The following ZNF420 variants were observed in gnomAD, a reference collection of about 807,000 sequenced individuals.
ZNF420 encodes the protein ATM and p53-associated KZNF protein.
ZNF420 carries 31 observed loss-of-function variants against 44.7 expected under a neutral mutation model. The ratio of observed to expected loss-of-function variants is 0.69; its 90% CI spans 0.52 to 0.94. ZNF420 has a LOEUF of 0.94. ZNF420 is among the 40% of genes least tolerant of loss of function. The pLI, the probability that ZNF420 is intolerant of heterozygous loss-of-function variation, is 0.00. For synonymous variants in ZNF420, 245 were observed against 267.4 expected (o/e 0.92, Z 0.82); for missense variants, 681 against 827.9 (o/e 0.82, Z 2.18).
At chr19:37,096,069 T>C (rs1969436839) in intron 4 of ZNF420, 1 of 152,260 alleles carries the variant, frequency 6.6e-6, no homozygotes, top group East Asian at 1.9e-4. Context: ...CTGGCTTCTA[T>C]TGTTGCTCTT....
chr19:37,061,708 AAACTT>A (rs1162885865), intron 1 of ZNF420, among the ~76,000 whole-genome samples: 2 of 152,246 alleles, frequency 1.3e-5, no homozygotes, highest in African/African-American at 2.4e-5. Context: ...CCAATTAAAA[AAACTT>A]AATTTTCAAA....
intron 1 of ZNF420, among the ~76,000 whole-genome samples, chr19:37,068,378 G>A (rs911938885): frequency 2.4e-4 from 36 of 152,186 alleles, no homozygotes; most frequent in African/African-American, 8.7e-4. Flanking sequence ...GGTGGCTCAT[G>A]CCTGTAATCC....
intron 1 of ZNF420, among the ~76,000 whole-genome samples, chr19:37,054,102 C>G (rs1198338163): frequency 6.6e-6 from 1 of 152,222 alleles, no homozygotes; most frequent in Non-Finnish European, 1.5e-5. Context: ...GCAGTTTGAT[C>G]TCAGACTGCC....
chr19:37,031,127 T>C (rs1184347654), intron 1 of ZNF420, among the ~76,000 whole-genome samples: 1 of 152,152 alleles, frequency 6.6e-6, no homozygotes, highest in Non-Finnish European at 1.5e-5. Flanking sequence ...AGTGCTGAGA[T>C]TACAGGCGTG....
intron 1 of ZNF420, among the ~76,000 whole-genome samples, chr19:37,031,012 C>A (rs768096179): frequency 6.6e-6 from 1 of 152,086 alleles, no homozygotes; most frequent in East Asian, 1.9e-4. Flanking sequence ...CCCCCCACCA[C>A]GCCCGGCTAA....
intron 4 of ZNF420, among the ~76,000 whole-genome samples, chr19:37,126,569 A>C (rs1333757887): frequency 6.6e-6 from 1 of 152,200 alleles, no homozygotes; most frequent in Non-Finnish European, 1.5e-5. Flanking sequence ...GAAGGATTAA[A>C]ATTACAGATC....
chr19:37,073,525 G>T (rs1307646854), upstream of ZNF420, among the ~76,000 whole-genome samples: 1 of 152,040 alleles, frequency 6.6e-6, no homozygotes, highest in Non-Finnish European at 1.5e-5. Context: ...GATCACTTGA[G>T]ATCAGGAGTT....
At chr19:37,113,252 A>T (rs573786458) in intron 4 of ZNF420, among the ~76,000 whole-genome samples, 1 of 152,256 alleles carries the variant, frequency 6.6e-6, no homozygotes, top group African/African-American at 2.4e-5. Flanking sequence ...TAGTAGTTTG[A>T]ATAGTTATAT....
chr19:37,057,346 C>G (rs1463642742), intron 1 of ZNF420, among the ~76,000 whole-genome samples: 1 of 152,180 alleles, frequency 6.6e-6, no homozygotes, highest in East Asian at 1.9e-4. Context: ...AGGCTCCTGT[C>G]TCATCCCAGT....
At chr19:37,020,516 C>A (rs2074640674) in intron 1 of ZNF420, among the ~76,000 whole-genome samples, 1 of 152,220 alleles carries the variant, frequency 6.6e-6, no homozygotes, top group Non-Finnish European at 1.5e-5. Context: ...AAGCCCCTCT[C>A]AGGTTTATTT....
At chr19:37,036,444 G>A (rs1404160749) in intron 1 of ZNF420, among the ~76,000 whole-genome samples, 10 of 152,070 alleles carry the variant, frequency 6.6e-5, no homozygotes, top group African/African-American at 1.2e-4. Context: ...GATATGTGTT[G>A]TTCCTGGTGC....
chr19:37,036,169 G>T (rs1599607870), intron 1 of ZNF420, among the ~76,000 whole-genome samples: 1 of 152,150 alleles, frequency 6.6e-6, no homozygotes, highest in African/African-American at 2.4e-5. Flanking sequence ...GTGTTCAATA[G>T]CACAGTAGCA....
chr19:37,054,489 C>T (rs1354946856), intron 1 of ZNF420, among the ~76,000 whole-genome samples: 1 of 152,126 alleles, frequency 6.6e-6, no homozygotes, highest in African/African-American at 2.4e-5. Context: ...CCTATTCAGC[C>T]ATCTTGGCTC....
At chr19:37,057,479 T>C (rs1967780157) in intron 1 of ZNF420, among the ~76,000 whole-genome samples, 2 of 146,710 alleles carry the variant, frequency 1.4e-5, no homozygotes, top group South Asian at 4.3e-4. Flanking sequence ...TGTCTCTCAC[T>C]CTCTGTCTGT....
At position 37,127,351 on chromosome 19, in the gene ZNF420, C is replaced by T. The variant is rs139770576; in HGVS notation, c.360C>T (p.Phe120=). 5 of 1,611,206 alleles carry T rather than the reference C, an allele frequency of 3.1e-6. No homozygotes were observed. Among genetic ancestry groups the T allele is most frequent in the African/African-American group, 2.7e-5 (2 of 74,878 alleles). The part of the protein sequence containing the change: ...GMIIYDKMSI[F]NQHTYLSQHS... ...TCATATATGACAAAATGTCCATTTT[C>T]AACCAGCATACTTACTTATCTCAAC... The change falls in exon 5 of 5, where the codon TTC becomes TTT. Residue 120 remains phenylalanine (F), a synonymous_variant. Transcript: ENST00000337995.
At chr19:37,086,240 A>G (rs577356382) in intron 2 of ZNF420, among the ~76,000 whole-genome samples, 8 of 152,126 alleles carry the variant, frequency 5.3e-5, no homozygotes, top group Non-Finnish European at 1.0e-4. Context: ...GCACTGATCC[A>G]CATTTGCACT....
chr19:37,033,325 C>T (rs1169041132), intron 1 of ZNF420, among the ~76,000 whole-genome samples: 1 of 152,098 alleles, frequency 6.6e-6, no homozygotes, highest in Non-Finnish European at 1.5e-5. Context: ...TTTCAGTTTC[C>T]CAAACTGAAA....
chr19:37,022,923 GTCAGGCGT>G (rs1176702966), intron 1 of ZNF420, among the ~76,000 whole-genome samples: 24 of 152,266 alleles, frequency 1.6e-4, no homozygotes, highest in African/African-American at 5.8e-4. Flanking sequence ...GGATCACAAG[GTCAGGCGT>G]TCGAGACAAG....
chr19:37,053,213 C>T (rs1488148708), intron 1 of ZNF420, among the ~76,000 whole-genome samples: 1 of 152,212 alleles, frequency 6.6e-6, no homozygotes, highest in Non-Finnish European at 1.5e-5. Context: ...TTGGCTCCAT[C>T]AGGTCCTTTA....
Sources: gnomAD v4.1 joint callset for allele counts (sites outside exome capture counted in the v4.1 genomes callset) on GRCh38, gnomAD v4.1.1 for gene constraint, MANE v1.5 for transcripts, NCBI Gene and HGNC (gene_info 2026-07-23, HGNC 2026-07-21) for gene names.